The following RAB38 variants were observed in gnomAD, a reference collection of about 807,000 sequenced individuals.
The protein encoded by RAB38 is RAB38, member RAS oncogene family.
RAB38 carries 15 observed loss-of-function variants against 18.4 expected under a neutral mutation model. The observed-to-expected ratio is 0.82, with a 90% CI of 0.55 to 1.26. The LOEUF (loss-of-function observed/expected upper bound fraction) is 1.26. RAB38 is among the 50% of genes most tolerant of loss of function. The pLI is 0.00. For synonymous variants in RAB38, 101 were observed against 104.4 expected, an observed-to-expected ratio of 0.97 and a Z score of 0.20; for missense variants, 294 against 267.4, an observed-to-expected ratio of 1.10 and a Z score of -0.69.
the RAB38 span, among the ~76,000 whole-genome samples, chr11:87,848,883 T>C: frequency 8.3e-6 from 1 of 120,390 alleles, no homozygotes; most frequent in Non-Finnish European, 1.7e-5. Flanking sequence ...ATTAATTCTT[T>C]ATTCACATAG....
the RAB38 span, among the ~76,000 whole-genome samples, chr11:88,065,585 C>G: frequency 6.6e-6 from 1 of 152,172 alleles, no homozygotes; most frequent in Non-Finnish European, 1.5e-5. Context: ...ACAGAAGTAG[C>G]TAAAGAGGCC....
downstream of RAB38, among the ~76,000 whole-genome samples, chr11:88,110,392 G>A (rs1942457406): frequency 6.6e-6 from 1 of 152,058 alleles, no homozygotes; most frequent in Admixed American, 6.6e-5. Context: ...GGCCAGGGAA[G>A]GGATAGCATT....
At chr11:88,146,140 G>A (rs1942982064) in intron 2 of RAB38, among the ~76,000 whole-genome samples, 1 of 152,150 alleles carries the variant, frequency 6.6e-6, no homozygotes, top group African/African-American at 2.4e-5. Context: ...AACAGCAGTA[G>A]TCATGAAAAC....
chr11:87,825,828 C>A, the RAB38 span, among the ~76,000 whole-genome samples: 6 of 151,940 alleles, frequency 3.9e-5, no homozygotes, highest in Non-Finnish European at 7.4e-5. Context: ...TGAGAAAAAG[C>A]AGTAATAGGG....
At chr11:87,878,585 C>G in the RAB38 span, among the ~76,000 whole-genome samples, 1 of 151,550 alleles carries the variant, frequency 6.6e-6, no homozygotes, top group Non-Finnish European at 1.5e-5. Context: ...ATGTTTTTAT[C>G]AAAGCTACTC....
the RAB38 span, among the ~76,000 whole-genome samples, chr11:87,915,939 GTCTGC>G: frequency 6.6e-6 from 1 of 152,092 alleles, no homozygotes; most frequent in African/African-American, 2.4e-5. Flanking sequence ...AAGATTTAAT[GTCTGC>G]TCCATCAGGT....
chr11:88,037,968 A>G, the RAB38 span, among the ~76,000 whole-genome samples: 2 of 152,214 alleles, frequency 1.3e-5, no homozygotes, highest in Non-Finnish European at 2.9e-5. Context: ...ATATGGTGAG[A>G]GTATAAATTG....
the RAB38 span, among the ~76,000 whole-genome samples, chr11:87,878,222 T>TATATATATATATATATATATATACAC: frequency 3.4e-4 from 39 of 116,194 alleles, 1 homozygote; most frequent in African/African-American, 1.4e-3. Flanking sequence ...TATATATATA[T>TATATATATATATATATATATATACAC]ACACACATAT....
chr11:88,174,254 C>T (rs373604025), intron 1 of RAB38: 1 of 229,252 alleles, frequency 4.4e-6, no homozygotes, highest in South Asian at 1.6e-4. Flanking sequence ...GTTGGTCATG[C>T]GCAGGTTGCA....
chr11:88,084,835 T>G, the RAB38 span, among the ~76,000 whole-genome samples: 1 of 151,920 alleles, frequency 6.6e-6, no homozygotes, highest in Non-Finnish European at 1.5e-5. Context: ...CCTAATACAC[T>G]GCCTGGAACA....
chr11:88,019,300 C>G, the RAB38 span, among the ~76,000 whole-genome samples: 1 of 152,108 alleles, frequency 6.6e-6, no homozygotes, highest in East Asian at 1.9e-4. Flanking sequence ...TTAGAGTCAT[C>G]TATGACTTTT....
chr11:87,836,518 G>GCATAC, the RAB38 span, among the ~76,000 whole-genome samples: 27 of 152,010 alleles, frequency 1.8e-4, no homozygotes, highest in Admixed American at 9.2e-4. Context: ...TCTGAGCTCA[G>GCATAC]CATACCATCA....
At chr11:88,038,975 T>A in the RAB38 span, among the ~76,000 whole-genome samples, 1 of 152,214 alleles carries the variant, frequency 6.6e-6, no homozygotes, top group Non-Finnish European at 1.5e-5. Flanking sequence ...GAAGAGCTCC[T>A]GGCTTTCCTT....
At chr11:88,113,010 T>G (rs1942494388), downstream of RAB38, among the ~76,000 whole-genome samples, 1 of 152,108 alleles carries the variant, frequency 6.6e-6, no homozygotes, top group African/African-American at 2.4e-5. Context: ...TTCCTCTGAT[T>G]AACTAAAAAT....
intron 1 of RAB38, 134 bp from the exon 2 acceptor site, chr11:88,150,089 C>G: frequency 1.1e-6 from 1 of 925,368 alleles, no homozygotes; most frequent in African/African-American, 1.7e-5. Flanking sequence ...CTTTAAAGAG[C>G]GAACTAAATA....
chr11:88,069,167 TG>T, the RAB38 span, among the ~76,000 whole-genome samples: 1 of 152,212 alleles, frequency 6.6e-6, no homozygotes, highest in Non-Finnish European at 1.5e-5. Context: ...CCGCTGGCTC[TG>T]GGGAAGTGAG....
chr11:88,011,391 G>A, the RAB38 span, among the ~76,000 whole-genome samples: 6 of 152,146 alleles, frequency 3.9e-5, no homozygotes, highest in African/African-American at 1.4e-4. Context: ...CTATCAAGAT[G>A]TATGCGTATT....
chr11:87,976,149 C>A, the RAB38 span, among the ~76,000 whole-genome samples: 1 of 147,420 alleles, frequency 6.8e-6, no homozygotes, highest in Admixed American at 6.9e-5. Context: ...TGTATATATA[C>A]ATATATATAC....
At chr11:88,173,348 T>C (rs573591005) in intron 1 of RAB38, among the ~76,000 whole-genome samples, 1 of 152,324 alleles carries the variant, frequency 6.6e-6, no homozygotes, top group South Asian at 2.1e-4. Flanking sequence ...TGTCATCTAT[T>C]GGGAGAAAGC....
Sources: gnomAD v4.1 joint callset for allele counts (sites outside exome capture counted in the v4.1 genomes callset) on GRCh38, gnomAD v4.1.1 for gene constraint, MANE v1.5 for transcripts, NCBI Gene and HGNC (gene_info 2026-07-23, HGNC 2026-07-21) for gene names.